Variants in SDCCAG8 observed in about 807,000 individuals in gnomAD.
SDCCAG8 encodes SHH signaling and ciliogenesis regulator SDCCAG8, also known as serologically defined colon cancer antigen 8.
Under a neutral mutation model 101.8 loss-of-function variants are expected in SDCCAG8, and 74 were observed. That is an observed-to-expected ratio of 0.73 (90% CI 0.60 to 0.88). SDCCAG8 has a LOEUF of 0.88. SDCCAG8 is among the 40% of genes least tolerant of loss of function. The pLI is 0.00. For synonymous variants in SDCCAG8, 281 were observed against 292.9 expected (o/e 0.96, Z 0.41); for missense variants, 787 against 822.6 (o/e 0.96, Z 0.53).
At chr1:243,375,017 T>C (rs999093698) in intron 12 of SDCCAG8, among the ~76,000 whole-genome samples, 8 of 152,082 alleles carry the variant, frequency 5.3e-5, no homozygotes, top group African/African-American at 1.7e-4. Context: ...GAAAATTAAT[T>C]TAAACAAGAT....
chr1:243,483,788 G>A (rs966113611), intron 16 of SDCCAG8, among the ~76,000 whole-genome samples: 16 of 152,210 alleles, frequency 1.1e-4, no homozygotes, highest in African/African-American at 3.1e-4. Flanking sequence ...GTGTCTTGCC[G>A]GATTCCAGTC....
At chr1:243,274,144 G>C (rs532940862) in intron 3 of SDCCAG8, among the ~76,000 whole-genome samples, 2 of 152,222 alleles carry the variant, frequency 1.3e-5, no homozygotes, top group Non-Finnish European at 2.9e-5. Context: ...ATGGTGGAAG[G>C]TGAAAGGGGA....
chr1:243,473,936 G>GGC (rs1661792791), intron 16 of SDCCAG8, among the ~76,000 whole-genome samples: 1 of 104,366 alleles, frequency 9.6e-6, no homozygotes, highest in Non-Finnish European at 2.0e-5. Context: ...GGGGGGGGGG[G>GGC]GGGCCGGGGG....
intron 13 of SDCCAG8, among the ~76,000 whole-genome samples, chr1:243,380,429 G>A (rs2077866612): frequency 6.6e-6 from 1 of 152,188 alleles, no homozygotes; most frequent in Non-Finnish European, 1.5e-5. Context: ...TAATGTCTCA[G>A]TGTGGCTGAG....
intron 1 of SDCCAG8, among the ~76,000 whole-genome samples, chr1:243,261,527 C>T (rs1181419491): frequency 1.3e-5 from 2 of 152,180 alleles, no homozygotes; most frequent in East Asian, 3.9e-4. Flanking sequence ...ATGATTAGCA[C>T]ATCTATCCAA....
intron 13 of SDCCAG8, among the ~76,000 whole-genome samples, chr1:243,395,063 T>C (rs1055671143): frequency 1.3e-5 from 2 of 152,136 alleles, no homozygotes; most frequent in Non-Finnish European, 2.9e-5. Context: ...TATGGAAAAG[T>C]GTATGTGTGT....
chr1:243,498,084 C>T (rs1448475686), intron 17 of SDCCAG8, among the ~76,000 whole-genome samples: 1 of 152,212 alleles, frequency 6.6e-6, no homozygotes, highest in African/African-American at 2.4e-5. Context: ...AAGAGCGAGG[C>T]CACCAGGCCA....
intron 4 of SDCCAG8, among the ~76,000 whole-genome samples, chr1:243,275,431 A>C (rs2068459268): frequency 6.6e-6 from 1 of 152,092 alleles, no homozygotes; most frequent in South Asian, 2.1e-4. Flanking sequence ...TTGACATTTT[A>C]AGATGCAAGG....
At chr1:243,399,259 G>A (rs2079215779) in intron 13 of SDCCAG8, among the ~76,000 whole-genome samples, 1 of 152,140 alleles carries the variant, frequency 6.6e-6, no homozygotes, top group Non-Finnish European at 1.5e-5. Context: ...CTTTCTCTAA[G>A]TCTAGTGCTC....
intron 12 of SDCCAG8, among the ~76,000 whole-genome samples, chr1:243,374,340 T>G (rs1408945840): frequency 6.6e-5 from 10 of 152,044 alleles, no homozygotes. Context: ...TGAAAAGGAC[T>G]CACTGAAAAC....
At chr1:243,298,725 T>C (rs1472408844) in intron 6 of SDCCAG8, among the ~76,000 whole-genome samples, 3 of 152,230 alleles carry the variant, frequency 2.0e-5, no homozygotes, top group African/African-American at 7.2e-5. Context: ...AAGCACCATT[T>C]CTTGGAAAGG....
chr1:243,369,267 T>G (rs138086868), intron 12 of SDCCAG8, among the ~76,000 whole-genome samples: 48 of 152,262 alleles, frequency 3.2e-4, no homozygotes, highest in African/African-American at 1.1e-3. Context: ...TTGGCAATGT[T>G]TGTGCTTTGT....
At chr1:243,293,017 G>A in intron 5 of SDCCAG8, 74 bp from the exon 6 acceptor site, 1 of 1,528,022 alleles carries the variant, frequency 6.5e-7, no homozygotes, top group East Asian at 2.3e-5. Flanking sequence ...GTAAGAATAG[G>A]TATTTTATTT....
At chr1:243,360,432 G>C (rs144596838) in intron 12 of SDCCAG8, among the ~76,000 whole-genome samples, 2 of 151,982 alleles carry the variant, frequency 1.3e-5, no homozygotes, top group Admixed American at 1.3e-4. Flanking sequence ...GATTACAGGC[G>C]TGAGCCCCCA....
intron 13 of SDCCAG8, among the ~76,000 whole-genome samples, chr1:243,397,693 A>G (rs181679839): frequency 1.1e-4 from 16 of 152,354 alleles, no homozygotes; most frequent in South Asian, 2.1e-4. Flanking sequence ...TCTTTAAAAT[A>G]CACATTTGCT....
chr1:243,499,486 C>G (rs2148330180), intron 17 of SDCCAG8, among the ~76,000 whole-genome samples: 1 of 152,132 alleles, frequency 6.6e-6, no homozygotes, highest in African/African-American at 2.4e-5. Flanking sequence ...TAACACCAGA[C>G]TGTCCTTATT....
intron 8 of SDCCAG8, 37 bp downstream of exon 8, chr1:243,308,214 T>C (rs1369697105): frequency 6.2e-7 from 1 of 1,608,338 alleles, no homozygotes; most frequent in Admixed American, 1.7e-5. Context: ...ACTTTGGCAA[T>C]ATGGAAAATT....
intron 16 of SDCCAG8, among the ~76,000 whole-genome samples, chr1:243,454,868 AAAACTTCCCAGATACGGTAGAAAT>A (rs1288548386): frequency 2.6e-5 from 4 of 152,142 alleles, no homozygotes; most frequent in African/African-American, 4.8e-5. Flanking sequence ...GTAACCAGAG[AAAACTTCCCAGATACGGTAGAAAT>A]AAACTTCCCA....
chr1:243,495,859 T>C (rs1464898355), intron 17 of SDCCAG8, among the ~76,000 whole-genome samples: 2 of 152,202 alleles, frequency 1.3e-5, no homozygotes, highest in Non-Finnish European at 2.9e-5. Flanking sequence ...GATATCAAAC[T>C]GGCTGCCCCT....
Sources: gnomAD v4.1 joint callset for allele counts (sites outside exome capture counted in the v4.1 genomes callset) on GRCh38, gnomAD v4.1.1 for gene constraint, MANE v1.5 for transcripts, NCBI Gene and HGNC (gene_info 2026-07-23, HGNC 2026-07-21) for gene names.